Variants in CRPPA observed in about 807,000 individuals in gnomAD.
The protein encoded by CRPPA is CDP-L-ribitol pyrophosphorylase A.
In CRPPA, 43 loss-of-function variants were observed where a neutral mutation model predicts 52.0. That is an observed-to-expected ratio of 0.83 (90% confidence interval 0.65 to 1.07). The LOEUF (loss-of-function observed/expected upper bound fraction) is 1.07. CRPPA is among the 50% of genes least tolerant of loss of function. The pLI is 0.00. For synonymous variants in CRPPA, 250 were observed against 203.5 expected (o/e 1.23, Z -1.94); for missense variants, 629 against 551.7 (o/e 1.14, Z -1.40).
At chr7:16,170,418 G>C (rs996707481) in intron 9 of CRPPA, among the ~76,000 whole-genome samples, 5 of 152,206 alleles carry the variant, frequency 3.3e-5, no homozygotes, top group African/African-American at 4.8e-5. Flanking sequence ...TCCTTCTGAT[G>C]TTCGGAGTTT....
rs1784531423 is a variant in CRPPA, at chr7:16,290,231, A to G, written c.835+11190T>C. 2.6e-5 allele frequency among the ~76,000 whole-genome samples: 4 copies of G among 152,100 alleles called. No homozygotes were observed. The South Asian group carries it at 8.3e-4, about 31-fold the overall frequency. The stretch of plus-strand genomic sequence containing the variant: ...AAATGACCACACTATATCCAAAGCA[A>G]TCTACAGATTCAATACAATCCCTAT... On this transcript the variant is annotated intron_variant, in intron 5 of 9. Transcript: ENST00000407010.
chr7:16,309,619 T>C (rs570807779), intron 3 of CRPPA, among the ~76,000 whole-genome samples: 55 of 152,272 alleles, frequency 3.6e-4, no homozygotes, highest in African/African-American at 1.3e-3. Context: ...TTTCTTCTTT[T>C]TTTTTTGAGA....
intron 9 of CRPPA, among the ~76,000 whole-genome samples, chr7:16,210,032 C>A (rs1049489165): frequency 6.6e-6 from 1 of 152,102 alleles, no homozygotes; most frequent in Non-Finnish European, 1.5e-5. Context: ...TGATCCAAAT[C>A]AAGCTCTTTA....
chr7:16,193,660 T>C (rs1010727294), intron 9 of CRPPA, among the ~76,000 whole-genome samples: 70 of 152,262 alleles, frequency 4.6e-4, no homozygotes, highest in African/African-American at 1.6e-3. Context: ...AGGGATTAAA[T>C]GTCAATTTTA....
chr7:16,100,302 A>C lies in CRPPA; in HGVS notation c.1252-8503T>G, dbSNP rs376031413. On this transcript the variant is annotated intron_variant, in intron 9 of 9. Coordinates refer to ENST00000407010, the MANE Select transcript of CRPPA (RefSeq NM_001101426.4). ...ATTTTTTATTGCATATCAGTAATTTATGTTATCATAGTTTTTCTCAAAATC... is the reference window on the plus strand; with the variant it reads ...ATTTTTTATTGCATATCAGTAATTTCTGTTATCATAGTTTTTCTCAAAATC... Among the ~76,000 whole-genome samples, 11 of 152,238 alleles carry C rather than the reference A, an allele frequency of 7.2e-5. No homozygotes were observed. In the South Asian group the frequency reaches 2.3e-3, roughly 32 times the overall value.
chr7:16,145,873 C>A (rs1782964752), intron 9 of CRPPA, among the ~76,000 whole-genome samples: 1 of 151,824 alleles, frequency 6.6e-6, no homozygotes. Flanking sequence ...CCAAAAGAAG[C>A]AGAGAATGAG....
intron 4 of CRPPA, among the ~76,000 whole-genome samples, chr7:16,308,187 A>T (rs1784954959): frequency 6.6e-6 from 1 of 152,158 alleles, no homozygotes; most frequent in Non-Finnish European, 1.5e-5. Context: ...CAGAACCATG[A>T]GCCAATTAAA....
intron 2 of CRPPA, among the ~76,000 whole-genome samples, chr7:16,384,116 C>A (rs1787192662): frequency 6.6e-6 from 1 of 152,166 alleles, no homozygotes; most frequent in Admixed American, 6.5e-5. Flanking sequence ...TAGACCGGAG[C>A]TGTTCCTATT....
chr7:16,388,251 C>T (rs115697698), intron 2 of CRPPA, among the ~76,000 whole-genome samples: 1,769 of 151,958 alleles, frequency 0.012, 41 homozygotes, highest in African/African-American at 0.041. Flanking sequence ...GGGCATGGAG[C>T]AACCATGCCC....
chr7:16,170,020 T>C, intron 9 of CRPPA, among the ~76,000 whole-genome samples: 1 of 152,226 alleles, frequency 6.6e-6, no homozygotes, highest in East Asian at 1.9e-4. Flanking sequence ...ATTAGGTTGG[T>C]GCAAAAGTAA....
At chr7:16,163,336 C>T (rs1245534122) in intron 9 of CRPPA, among the ~76,000 whole-genome samples, 1 of 151,688 alleles carries the variant, frequency 6.6e-6, no homozygotes, top group Non-Finnish European at 1.5e-5. Flanking sequence ...GGATTGCAAC[C>T]CCTGCTTTTT....
chr7:16,224,030 A>G (rs909557411), intron 8 of CRPPA, among the ~76,000 whole-genome samples: 1 of 152,162 alleles, frequency 6.6e-6, no homozygotes. Context: ...ACAAAAAAGA[A>G]TATCTAATTT....
intron 9 of CRPPA, among the ~76,000 whole-genome samples, chr7:16,142,618 T>A (rs1460181694): frequency 6.6e-6 from 1 of 152,196 alleles, no homozygotes; most frequent in East Asian, 1.9e-4. Context: ...AGGTTTGTAT[T>A]TACACACTAT....
intron 9 of CRPPA, among the ~76,000 whole-genome samples, chr7:16,110,188 C>T (rs1272096536): frequency 6.6e-6 from 1 of 151,886 alleles, no homozygotes; most frequent in Non-Finnish European, 1.5e-5. Context: ...TTCATGATAG[C>T]TGTAAAAATA....
intron 8 of CRPPA, among the ~76,000 whole-genome samples, chr7:16,232,790 C>A (rs1423793843): frequency 1.3e-5 from 2 of 152,068 alleles, no homozygotes; most frequent in African/African-American, 4.8e-5. Flanking sequence ...ACATCCATCA[C>A]CTAAGATAAA....
At chr7:16,387,529 C>A in intron 2 of CRPPA, among the ~76,000 whole-genome samples, 1 of 151,906 alleles carries the variant, frequency 6.6e-6, no homozygotes. Flanking sequence ...TATATTAAAA[C>A]GAATGGATCA....
chr7:16,292,316 C>T (rs1784580069), intron 5 of CRPPA, among the ~76,000 whole-genome samples: 1 of 151,904 alleles, frequency 6.6e-6, no homozygotes, highest in Admixed American at 6.6e-5. Flanking sequence ...TCCAGAACTT[C>T]TCAGGAGGTC....
At chr7:16,200,912 A>T (rs1254907304) in intron 9 of CRPPA, among the ~76,000 whole-genome samples, 1 of 152,208 alleles carries the variant, frequency 6.6e-6, no homozygotes, top group African/African-American at 2.4e-5. Flanking sequence ...CATACACTGA[A>T]TTCTTCTAAT....
In CRPPA at chr7:16,187,518, T is replaced by C. The variant is rs1781530351; in HGVS notation, c.1251+28548A>G. On this transcript the variant is annotated intron_variant, in intron 9 of 9. Coordinates refer to ENST00000407010, the MANE Select transcript of CRPPA (RefSeq NM_001101426.4). ...GTCTAACTTTTGCTTGTCAATAAAA[T>C]ATTCTTGCTATTTCATTTTTCTGTT... 4.6e-5 allele frequency among the ~76,000 whole-genome samples: 7 copies of C among 152,328 alleles called. No individual in the cohort carries two copies. The South Asian group carries it at 1.5e-3, about 32-fold the overall frequency.
Sources: gnomAD v4.1 joint callset for allele counts (sites outside exome capture counted in the v4.1 genomes callset) on GRCh38, gnomAD v4.1.1 for gene constraint, MANE v1.5 for transcripts, NCBI Gene and HGNC (gene_info 2026-07-23, HGNC 2026-07-21) for gene names.